Variants in PCDHGB5 observed in about 807,000 individuals in gnomAD.
PCDHGB5 encodes protocadherin gamma subfamily B, 5, also known as protocadherin gamma-B5.
In PCDHGB5, 48 loss-of-function variants were observed where a neutral mutation model predicts 62.9. The observed-to-expected ratio is 0.76, with a 90% CI of 0.61 to 0.97. PCDHGB5 has a LOEUF of 0.97. PCDHGB5 is among the 50% of genes least tolerant of loss of function. The pLI, the probability that PCDHGB5 is intolerant of heterozygous loss-of-function variation, is 0.00. For synonymous variants in PCDHGB5, 474 were observed against 511.2 expected, an observed-to-expected ratio of 0.93 and a Z score of 0.98; for missense variants, 1,118 against 1,198.6, an observed-to-expected ratio of 0.93 and a Z score of 0.99.
chr5:141,443,223 A>G (rs2098374731), intron 1 of PCDHGB5, among the ~76,000 whole-genome samples: 1 of 152,044 alleles, frequency 6.6e-6, no homozygotes, highest in African/African-American at 2.4e-5. Flanking sequence ...AGGCGCATCT[A>G]TAATCTTAGC....
chr5:141,403,273 A>C, intron 1 of PCDHGB5: 1 of 1,613,886 alleles, frequency 6.2e-7, no homozygotes, highest in African/African-American at 1.3e-5. Context: ...TGAACTTTAA[A>C]GTCCTGGTTG....
intron 1 of PCDHGB5, chr5:141,423,559 G>T: frequency 6.2e-7 from 1 of 1,613,584 alleles, no homozygotes; most frequent in Non-Finnish European, 8.5e-7. Flanking sequence ...CAACTATGGG[G>T]ACACGCTCAT....
chr5:141,486,909 C>T lies in PCDHGB5; in HGVS notation c.2398-7898C>T, dbSNP rs759702188. ...CGGCCTGGTTCCTTATGTCCCCAAGCACTGCCTCCATCAGTTGGTGCTGGC... is the reference window on the plus strand; with the variant it reads ...CGGCCTGGTTCCTTATGTCCCCAAGTACTGCCTCCATCAGTTGGTGCTGGC... On this transcript the variant is annotated intron_variant, in intron 1 of 3. Transcript: ENST00000617380. This position sits in a 1 kb window ranked among gnomAD's most constrained non-coding sequence, Gnocchi z 5.0. 2 of 1,614,262 alleles carry T rather than the reference C, an allele frequency of 1.2e-6. No homozygotes were observed. Among genetic ancestry groups the T allele is most frequent in the Non-Finnish European group, 1.7e-6 (2 of 1,180,054 alleles).
At chr5:141,447,283 G>T (rs1194678678) in intron 1 of PCDHGB5, among the ~76,000 whole-genome samples, 1 of 152,122 alleles carries the variant, frequency 6.6e-6, no homozygotes, top group East Asian at 1.9e-4. Context: ...GGGACTACAG[G>T]CACATGCCAC....
At chr5:141,447,400 A>G (rs904985523) in intron 1 of PCDHGB5, among the ~76,000 whole-genome samples, 1 of 152,090 alleles carries the variant, frequency 6.6e-6, no homozygotes, top group Non-Finnish European at 1.5e-5. Flanking sequence ...GGCCTCCCAA[A>G]GTGCTGGGAT....
intron 2 of PCDHGB5, among the ~76,000 whole-genome samples, chr5:141,497,171 C>T (rs991574648): frequency 6.6e-6 from 1 of 151,148 alleles, no homozygotes; most frequent in African/African-American, 2.5e-5. Context: ...CCACAAATCA[C>T]AGTAAGTTCT....
Position 141,511,348 on chromosome 5 carries a change from C to T in PCDHGB5, c.*175C>T. Reference sequence around the variant, plus strand: ...TGCCCAGTCAGCACCTACCCCTTCCCCCCCAGGGGGTTGAATATGCAAAAG... The same window carrying T: ...TGCCCAGTCAGCACCTACCCCTTCCTCCCCAGGGGGTTGAATATGCAAAAG... On this transcript the variant is annotated 3_prime_UTR_variant, in exon 4 of 4. Transcript: ENST00000617380. The T allele has an allele frequency of 7.1e-7, 1 of 1,404,104 alleles. No homozygotes were observed. The highest frequency in any genetic ancestry group is 9.5e-7 in the Non-Finnish European group (1 of 1,056,554). 87.0% of individuals were successfully genotyped at this position (1,404,104 alleles called of 1,614,324 possible). A position where few individuals can be genotyped will look rare whatever the true frequency, so the allele number is the denominator to read the frequency against.
chr5:141,410,167 T>A (rs372848702), intron 1 of PCDHGB5: 1 of 1,613,770 alleles, frequency 6.2e-7, no homozygotes, highest in South Asian at 1.1e-5. Flanking sequence ...CGCCACTCTC[T>A]GCCACCGCCA....
In PCDHGB5 at chr5:141,399,858, T is replaced by G. The variant is rs1003401029; in HGVS notation, c.1731T>G (p.Ala577=). The change falls in exon 1 of 4, where the codon GCT becomes GCG. Residue 577 remains alanine, a synonymous_variant. Transcript: ENST00000617380. The stretch of plus-strand genomic sequence containing the variant: ...CGCTCTTCGATATGGTGCCGCGCGC[T>G]GCAGAGCCCGGCTACCTGGTGACCA... The part of the protein sequence containing the change: ...GSALFDMVPR[A]AEPGYLVTKV... The G allele has an allele frequency of 3.7e-6, 6 of 1,612,764 alleles. No individual in the cohort carries two copies. In the African/African-American group the frequency reaches 6.7e-5, roughly 18 times the overall value.
chr5:141,446,771 A>G (rs1008985621), intron 1 of PCDHGB5, among the ~76,000 whole-genome samples: 3 of 152,158 alleles, frequency 2.0e-5, no homozygotes, highest in Admixed American at 2.0e-4. Flanking sequence ...CCAGCCGGTT[A>G]CCATTCTTTT....
chr5:141,434,861 T>C (rs1157640770), intron 1 of PCDHGB5, among the ~76,000 whole-genome samples: 1 of 151,998 alleles, frequency 6.6e-6, no homozygotes, highest in Non-Finnish European at 1.5e-5. Context: ...TAAATTTATA[T>C]ATATGTGACA....
intron 1 of PCDHGB5, chr5:141,433,227 T>C (rs1178649427): frequency 6.5e-6 from 10 of 1,528,034 alleles, no homozygotes; most frequent in Non-Finnish European, 8.9e-6. Context: ...TTTTAATTGC[T>C]CTGTCTCCCA....
rs976135607 is a variant in PCDHGB5 at position 141,489,115 on chromosome 5, C to A, written c.2398-5692C>A. ...CTAAGAACTGCTGCAAGCAGGCAAA[C>A]CTCCGAGCAGTTTTTAAGAGGCTGG... On this transcript the variant is annotated intron_variant, in intron 1 of 3. Coordinates refer to ENST00000617380, the MANE Select transcript of PCDHGB5 (RefSeq NM_018925.3). This position sits in a 1 kb window ranked among gnomAD's most constrained non-coding sequence, Gnocchi z 4.5. 7.3e-5 allele frequency: 37 copies of A among 506,794 alleles called. No homozygotes were observed. Among genetic ancestry groups the A allele is most frequent in the Non-Finnish European group, 1.2e-4 (35 of 298,604 alleles). 31.4% of individuals were successfully genotyped at this position (506,794 alleles called of 1,614,324 possible).
At chr5:141,424,720 G>A (rs530298674) in intron 1 of PCDHGB5, 4 of 152,090 alleles carry the variant, frequency 2.6e-5, no homozygotes, top group Non-Finnish European at 4.4e-5. Flanking sequence ...GTGTAGTTGG[G>A]AGTCATAGAT....
intron 1 of PCDHGB5, chr5:141,404,610 T>G (rs1207198913): frequency 6.2e-7 from 1 of 1,614,130 alleles, no homozygotes. Context: ...CTGTTTGTTT[T>G]GGACCAGAAT....
At chr5:141,502,216 A>G (rs957759583) in intron 2 of PCDHGB5, among the ~76,000 whole-genome samples, 3 of 152,334 alleles carry the variant, frequency 2.0e-5, no homozygotes, top group Admixed American at 6.5e-5. Context: ...GCAGATTTTC[A>G]TAAATGTTCT....
intron 1 of PCDHGB5, chr5:141,417,547 G>C (rs756455730): frequency 9.7e-5 from 31 of 318,264 alleles, no homozygotes; most frequent in Non-Finnish European, 1.5e-4. Flanking sequence ...AAAATTCCTT[G>C]AAAGAGGTAG....
chr5:141,431,660 A>G lies in PCDHGB5; in HGVS notation c.2397+31136A>G. On this transcript the variant is annotated intron_variant, in intron 1 of 3. Transcript: ENST00000617380. This position sits in a 1 kb window ranked among gnomAD's most constrained non-coding sequence, Gnocchi z 4.8. ...CAAACTAGATTGTAATTCAGGGACA[A>G]TATCAACAATAGGGGAGTTGGACCA... 7 of 1,614,256 alleles carry G rather than the reference A, an allele frequency of 4.3e-6. No individual in the cohort carries two copies. The highest frequency in any genetic ancestry group is 5.1e-6 in the Non-Finnish European group (6 of 1,180,046).
intron 1 of PCDHGB5, among the ~76,000 whole-genome samples, chr5:141,480,874 G>A (rs1487409799): frequency 2.6e-5 from 4 of 151,950 alleles, no homozygotes; most frequent in African/African-American, 7.3e-5. Context: ...GTGAAACCCC[G>A]TCTCTACTAA....
Sources: gnomAD v4.1 joint callset for allele counts (sites outside exome capture counted in the v4.1 genomes callset) on GRCh38, gnomAD v4.1.1 for gene constraint, Gnocchi (gnomAD v3.1) non-coding constraint, MANE v1.5 for transcripts, NCBI Gene and HGNC (gene_info 2026-07-23, HGNC 2026-07-21) for gene names.